Variants in ATXN1 observed in about 807,000 individuals in gnomAD.
ATXN1 encodes the protein ataxin-1.
Under a neutral mutation model 56.4 loss-of-function variants are expected in ATXN1, and 8 were observed. That is an observed-to-expected ratio of 0.14 (90% confidence interval 0.08 to 0.26). The LOEUF (loss-of-function observed/expected upper bound fraction) is 0.26. Among genes scored for constraint, ATXN1 ranks in the 10% least tolerant of loss-of-function variants. ATXN1 has a pLI of 1.00. For missense variants in ATXN1, 987 were observed against 1,106.5 expected (o/e 0.89, Z 1.53); for synonymous variants, 514 against 494.6 (o/e 1.04, Z -0.52).
intron 3 of ATXN1, among the ~76,000 whole-genome samples, chr6:16,644,513 CAAA>C (rs368108627): frequency 8.7e-5 from 8 of 92,200 alleles, no homozygotes; most frequent in Non-Finnish European, 9.2e-5. Context: ...GACTCCGTTT[CAAA>C]AAAAAAAAAA....
chr6:16,306,519 G>C lies in ATXN1; in HGVS notation c.2258C>G (p.Pro753Arg), dbSNP rs1199215033. The C allele has an allele frequency of 6.2e-7, 1 of 1,614,196 alleles. No individual in the cohort carries two copies. Among genetic ancestry groups the C allele is most frequent in the South Asian group, 1.1e-5 (1 of 91,080 alleles). The change falls in exon 8 of 8, where the codon CCT becomes CGT. Residue 753 changes from proline to arginine, a missense_variant. Coordinates refer to ENST00000436367, the MANE Select transcript of ATXN1 (RefSeq NM_001128164.2). The surrounding 1 kb of genome is among the most constrained non-coding windows in gnomAD (Gnocchi z 5.2). ...TATTTTGGTGAGGAAGGGCGCTGCA[G>C]GCAATCCCATTTTCTCTGGAAACTT... ...ELKFPEKMGL[P>R]AAPFLTKIEP...
intron 4 of ATXN1, among the ~76,000 whole-genome samples, chr6:16,537,464 G>A (rs1761623206): frequency 6.6e-6 from 1 of 152,058 alleles, no homozygotes; most frequent in African/African-American, 2.4e-5. Context: ...CAGCACTTTG[G>A]GAGGCTGGGG....
At position 16,327,826 on chromosome 6, in the gene ATXN1, G is replaced by A; in HGVS notation, c.485C>T (p.Ala162Val). ...CTGGGATGGAGTGGTGGCCCCTGCG[G>A]CCGAGGCCACTGCACTGGTGACGGG... is the stretch of plus-strand genomic sequence containing the variant. ...ANPVTSAVAS[A>V]AGATTPSQRS... The change falls in exon 7 of 8, where the codon GCC (alanine) becomes GTC (valine). Residue 162 changes from alanine to valine, a missense_variant. By Grantham distance (64) the Ala-to-Val change is moderately conservative. Transcript: ENST00000436367. 6.2e-7 allele frequency: 1 copy of A among 1,608,886 alleles called. No homozygotes were observed.
At chr6:16,703,317 C>A (rs1184903926) in intron 2 of ATXN1, among the ~76,000 whole-genome samples, 3 of 151,980 alleles carry the variant, frequency 2.0e-5, no homozygotes, top group East Asian at 1.9e-4. Flanking sequence ...AACACCACAC[C>A]CCAGGGCCTG....
chr6:16,727,299 A>G lies in ATXN1; in HGVS notation c.-615+25934T>C, dbSNP rs192152531. On this transcript the variant is annotated intron_variant, in intron 2 of 7. Coordinates refer to ENST00000436367, the MANE Select transcript of ATXN1 (RefSeq NM_001128164.2). The stretch of plus-strand genomic sequence containing the variant: ...AAAGCAATTAATTTTGGATCCATAT[A>G]TACTAGTAGGTAAGAGAAAAAATGG... Among the ~76,000 whole-genome samples, 63 of 152,330 alleles carry G rather than the reference A, an allele frequency of 4.1e-4. No individual in the cohort carries two copies. The South Asian group carries it at 4.8e-3, about 12-fold the overall frequency.
At chr6:16,439,381 GAAT>G (rs1561896220) in intron 6 of ATXN1, among the ~76,000 whole-genome samples, 4 of 12,772 alleles carry the variant, frequency 3.1e-4, no homozygotes, top group African/African-American at 6.3e-4. Context: ...GGCGGGGCGG[GAAT>G]AAGGGTTGGG....
chr6:16,438,801 T>C (rs1759444528), intron 6 of ATXN1, among the ~76,000 whole-genome samples: 4 of 152,118 alleles, frequency 2.6e-5, no homozygotes, highest in Admixed American at 2.6e-4. Flanking sequence ...ACTCTTAAAA[T>C]AACAGAATGA....
intron 6 of ATXN1, among the ~76,000 whole-genome samples, chr6:16,360,343 G>A (rs1399433061): frequency 1.3e-5 from 2 of 152,096 alleles, no homozygotes; most frequent in African/African-American, 2.4e-5. Context: ...CAGTGACATC[G>A]GAAATGTGTT....
At chr6:16,370,755 A>G (rs1457543642) in intron 6 of ATXN1, among the ~76,000 whole-genome samples, 1 of 152,216 alleles carries the variant, frequency 6.6e-6, no homozygotes, top group Non-Finnish European at 1.5e-5. Flanking sequence ...TTCACTTAAC[A>G]TTGTATTGTA....
chr6:16,553,524 G>C (rs1197436408), intron 4 of ATXN1, among the ~76,000 whole-genome samples: 2 of 152,168 alleles, frequency 1.3e-5, no homozygotes, highest in African/African-American at 4.8e-5. Flanking sequence ...CTATAATGTA[G>C]TGCCATGTGG....
intron 6 of ATXN1, among the ~76,000 whole-genome samples, chr6:16,378,251 T>A (rs552275365): frequency 6.6e-6 from 1 of 152,362 alleles, no homozygotes; most frequent in East Asian, 1.9e-4. Context: ...TGGTCTGTCC[T>A]AACTCAGATA....
chr6:16,643,764 CT>C (rs754220831), intron 3 of ATXN1, among the ~76,000 whole-genome samples: 6 of 151,548 alleles, frequency 4.0e-5, no homozygotes, highest in Non-Finnish European at 7.4e-5. Context: ...GCACATGAAA[CT>C]ATGTCTCAGA....
At chr6:16,507,479 G>T (rs1761000861) in intron 5 of ATXN1, among the ~76,000 whole-genome samples, 1 of 152,138 alleles carries the variant, frequency 6.6e-6, no homozygotes, top group African/African-American at 2.4e-5. Context: ...CACTATATTA[G>T]TGTTTAAGGG....
intron 4 of ATXN1, among the ~76,000 whole-genome samples, chr6:16,585,558 T>A (rs555394767): frequency 6.6e-6 from 1 of 152,294 alleles, no homozygotes; most frequent in African/African-American, 2.4e-5. Context: ...TCCTAACTAG[T>A]GACCTCAAAA....
chr6:16,508,870 G>A (rs1484975096), intron 5 of ATXN1, among the ~76,000 whole-genome samples: 2 of 152,286 alleles, frequency 1.3e-5, no homozygotes, highest in Non-Finnish European at 2.9e-5. Flanking sequence ...CAACCCAAGT[G>A]TTTATGGACA....
At chr6:16,334,381 C>G (rs917212802) in intron 6 of ATXN1, among the ~76,000 whole-genome samples, 1 of 151,974 alleles carries the variant, frequency 6.6e-6, no homozygotes, top group South Asian at 2.1e-4. Context: ...ACTATACACT[C>G]AATATGAACA....
At chr6:16,312,530 T>A (rs1760415886) in intron 7 of ATXN1, among the ~76,000 whole-genome samples, 1 of 151,920 alleles carries the variant, frequency 6.6e-6, no homozygotes, top group Non-Finnish European at 1.5e-5. Flanking sequence ...GGGAAGTATA[T>A]AAACAACTAA....
chr6:16,439,660 G>C lies in ATXN1; in HGVS notation c.-161+46312C>G, dbSNP rs149255942. Among the ~76,000 whole-genome samples the C allele has an allele frequency of 8.5e-5, 13 of 152,124 alleles. No homozygotes were observed. The East Asian group carries it at 2.5e-3, about 29-fold the overall frequency. ...TTTCAAAGCACTTTGTAGTTTTCTT[G>C]TCCCTAAAAAGTATTTACTAAAAAT... On this transcript the variant is annotated intron_variant, in intron 6 of 7. Transcript: ENST00000436367.
intron 6 of ATXN1, among the ~76,000 whole-genome samples, chr6:16,400,830 T>C (rs1758552804): frequency 6.6e-6 from 1 of 152,160 alleles, no homozygotes; most frequent in African/African-American, 2.4e-5. Flanking sequence ...AAGAAGGTCA[T>C]GGTCTACTTT....
Sources: allele counts gnomAD v4.1 joint callset (sites outside exome capture counted in the v4.1 genomes callset), GRCh38; gene constraint gnomAD v4.1.1; non-coding constraint Gnocchi (gnomAD v3.1); transcripts MANE v1.5; gene names NCBI Gene and HGNC (gene_info 2026-07-23, HGNC 2026-07-21).